Variants in PLPPR5 observed in about 807,000 individuals in gnomAD.
The protein encoded by PLPPR5 is phospholipid phosphatase-related protein type 5.
Under a neutral mutation model 33.9 loss-of-function variants are expected in PLPPR5, and 16 were observed. That is an observed-to-expected ratio of 0.47 (90% CI 0.32 to 0.72). PLPPR5 has a LOEUF of 0.72. Ranked by LOEUF, PLPPR5 falls within the 30% of genes least tolerant of loss-of-function variation. The probability of loss-of-function intolerance (pLI) is 0.03; values close to 1 mark genes in which losing one functional copy is unlikely to be tolerated. For synonymous variants in PLPPR5, 163 were observed against 150.3 expected, an observed-to-expected ratio of 1.08 and a Z score of -0.62; for missense variants, 301 against 406.7, an observed-to-expected ratio of 0.74 and a Z score of 2.23.
chr1:98,937,754 T>G (rs1003328279), intron 3 of PLPPR5, among the ~76,000 whole-genome samples: 2 of 152,246 alleles, frequency 1.3e-5, no homozygotes, highest in South Asian at 2.1e-4. Context: ...TTTTGCCTTT[T>G]TCACATATCT....
At chr1:98,923,885 A>G (rs1649660964) in intron 3 of PLPPR5, among the ~76,000 whole-genome samples, 1 of 152,246 alleles carries the variant, frequency 6.6e-6, no homozygotes. Flanking sequence ...CCAGGCTATC[A>G]CATCACTTCA....
intron 1 of PLPPR5, among the ~76,000 whole-genome samples, chr1:98,995,642 A>T (rs940738839): frequency 6.6e-6 from 1 of 151,884 alleles, no homozygotes; most frequent in Non-Finnish European, 1.5e-5. Flanking sequence ...TGCTTGGAGC[A>T]TGTCAACTTG....
At chr1:98,979,578 C>T (rs539831075) in intron 1 of PLPPR5, among the ~76,000 whole-genome samples, 1 of 152,100 alleles carries the variant, frequency 6.6e-6, no homozygotes, top group East Asian at 1.9e-4. Context: ...CATATCAAGG[C>T]TTTCATAATT....
chr1:98,989,191 G>A (rs1026794560), intron 1 of PLPPR5, among the ~76,000 whole-genome samples: 6 of 152,086 alleles, frequency 3.9e-5, no homozygotes, highest in Non-Finnish European at 8.8e-5. Context: ...GTTAAAATGG[G>A]CAGAATCATC....
At position 98,976,091 on chromosome 1, in the gene PLPPR5, G is replaced by GTA. The variant is rs1491212092; in HGVS notation, c.238-19352_238-19351dup. Among the ~76,000 whole-genome samples the GTA allele has an allele frequency of 1.2e-4, 3 of 24,026 alleles. No individual in the cohort carries two copies. The East Asian group carries it at 3.3e-3, about 27-fold the overall frequency. The allele number at this position is 24,026 out of a possible 152,430, so 15.8% of individuals were successfully genotyped here. A position where few individuals can be genotyped will look rare whatever the true frequency, so the allele number is the denominator to read the frequency against. ...GAAGATGAGATCATCCTACTAAAAA[G>GTA]TAAAAAAAAAAAAAAAAAAAAAAGC... On this transcript the variant is annotated intron_variant, in intron 1 of 5. Coordinates refer to ENST00000263177, the MANE Select transcript of PLPPR5 (RefSeq NM_001037317.2).
intron 1 of PLPPR5, among the ~76,000 whole-genome samples, chr1:98,989,885 C>G (rs950196166): frequency 7.9e-5 from 12 of 152,140 alleles, no homozygotes; most frequent in African/African-American, 2.4e-4. Context: ...GGAACTCACT[C>G]TGTTTTATAG....
At chr1:98,934,262 C>T (rs1165892991) in intron 3 of PLPPR5, among the ~76,000 whole-genome samples, 2 of 152,108 alleles carry the variant, frequency 1.3e-5, no homozygotes, top group African/African-American at 4.8e-5. Context: ...CATGTGCTTG[C>T]TGATAGGTAG....
chr1:98,969,049 A>G (rs1428888225), intron 1 of PLPPR5, among the ~76,000 whole-genome samples: 1 of 152,088 alleles, frequency 6.6e-6, no homozygotes, highest in African/African-American at 2.4e-5. Context: ...CAAAAGCATG[A>G]CAATCTGTTA....
At chr1:98,976,233 T>C (rs896241134) in intron 1 of PLPPR5, among the ~76,000 whole-genome samples, 3 of 151,852 alleles carry the variant, frequency 2.0e-5, no homozygotes, top group African/African-American at 7.2e-5. Flanking sequence ...AATCTTTTCC[T>C]CTCACAGTGA....
At chr1:98,903,002 A>G (rs12033866) in intron 5 of PLPPR5, among the ~76,000 whole-genome samples, 1 of 152,260 alleles carries the variant, frequency 6.6e-6, no homozygotes, top group East Asian at 1.9e-4. Context: ...ATTGATTCTG[A>G]GTATACTGGA....
chr1:98,985,234 T>G (rs1266403854), intron 1 of PLPPR5, among the ~76,000 whole-genome samples: 1 of 152,000 alleles, frequency 6.6e-6, no homozygotes, highest in Non-Finnish European at 1.5e-5. Context: ...TGATAATAAC[T>G]GAGTTCCTCT....
At chr1:98,944,774 G>C (rs748271290) in intron 3 of PLPPR5, among the ~76,000 whole-genome samples, 15 of 152,166 alleles carry the variant, frequency 9.9e-5, no homozygotes, top group South Asian at 2.1e-4. Context: ...TCTGGTACCT[G>C]GGCCATGGAT....
intron 1 of PLPPR5, among the ~76,000 whole-genome samples, chr1:98,987,091 G>A (rs1476116290): frequency 6.6e-6 from 1 of 151,750 alleles, no homozygotes; most frequent in Non-Finnish European, 1.5e-5. Flanking sequence ...ACTTTACAGT[G>A]ATATGTAATA....
intron 1 of PLPPR5, among the ~76,000 whole-genome samples, chr1:98,978,651 AAT>A (rs1384328444): frequency 1.3e-5 from 2 of 152,028 alleles, no homozygotes; most frequent in Non-Finnish European, 2.9e-5. Context: ...ATGGTTTTTT[AAT>A]CTGTTTCTTC....
In PLPPR5 at chr1:99,001,213, C is replaced by A. The variant is rs142486441; in HGVS notation, c.237+3222G>T. ...GCAGTGGCATGATCTCTGCTCACTG[C>A]AAGCTCCACCTCCTGGGTTCACGCC... On this transcript the variant is annotated intron_variant, in intron 1 of 5. Transcript: ENST00000263177. 7.7e-3 allele frequency among the ~76,000 whole-genome samples: 1,153 copies of A among 150,682 alleles called. 20 individuals carry two copies. Among genetic ancestry groups the A allele is most frequent in the African/African-American group, 0.027 (1,098 of 40,940 alleles).
In PLPPR5 at chr1:98,957,848, C is replaced by T. The variant is rs1364733591; in HGVS notation, c.238-1107G>A. On this transcript the variant is annotated intron_variant, in intron 1 of 5. Transcript: ENST00000263177. ...ACAAGGTTCTGTTACAGATGCTTTG[C>T]TCTACTCTGTTGACTTATTAAAGGA... is the stretch of plus-strand genomic sequence containing the variant. Among the ~76,000 whole-genome samples, 6 of 152,260 alleles carry T rather than the reference C, an allele frequency of 3.9e-5. No individual in the cohort carries two copies. In the South Asian group the frequency reaches 6.2e-4, roughly 16 times the overall value.
At chr1:98,981,915 G>A (rs775435261) in intron 1 of PLPPR5, among the ~76,000 whole-genome samples, 1 of 152,094 alleles carries the variant, frequency 6.6e-6, no homozygotes, top group East Asian at 1.9e-4. Flanking sequence ...AATTGAAGTT[G>A]TAAGTGATTG....
chr1:98,933,148 C>G (rs533755554), intron 3 of PLPPR5, among the ~76,000 whole-genome samples: 1 of 149,560 alleles, frequency 6.7e-6, no homozygotes. Context: ...CATCCAGGGA[C>G]AAACAAAACA....
At chr1:98,990,510 T>G (rs1168765133) in intron 1 of PLPPR5, among the ~76,000 whole-genome samples, 2 of 152,186 alleles carry the variant, frequency 1.3e-5, no homozygotes, top group Non-Finnish European at 2.9e-5. Context: ...AAATAGTAAT[T>G]ACAGAGGCAA....
Sources: gnomAD v4.1 joint callset for allele counts (sites outside exome capture counted in the v4.1 genomes callset) on GRCh38, gnomAD v4.1.1 for gene constraint, MANE v1.5 for transcripts, NCBI Gene and HGNC (gene_info 2026-07-23, HGNC 2026-07-21) for gene names.